Variants in NRXN1 observed in about 807,000 individuals in gnomAD.
NRXN1 encodes the protein neurexin 1, also known as neurexin-1.
In NRXN1, 39 loss-of-function variants were observed where a neutral mutation model predicts 150.9. That is an observed-to-expected ratio of 0.26 (90% CI 0.20 to 0.34). The LOEUF (loss-of-function observed/expected upper bound fraction) is 0.34. Ranked by LOEUF, NRXN1 falls within the 10% of genes least tolerant of loss-of-function variation. The pLI is 1.00. For missense variants in NRXN1, 1,815 were observed against 1,949.9 expected, an observed-to-expected ratio of 0.93 and a Z score of 1.30; for synonymous variants, 924 against 757.0, an observed-to-expected ratio of 1.22 and a Z score of -3.62.
At chr2:50,862,173 G>A (rs1185845088) in intron 5 of NRXN1, among the ~76,000 whole-genome samples, 2 of 148,560 alleles carry the variant, frequency 1.3e-5, no homozygotes, top group Non-Finnish European at 3.0e-5. Context: ...CTGCACTCTA[G>A]CCTAGAGGAC....
At chr2:50,064,385 C>T (rs1170985244) in intron 19 of NRXN1, among the ~76,000 whole-genome samples, 1 of 151,478 alleles carries the variant, frequency 6.6e-6, no homozygotes, top group East Asian at 1.9e-4. Flanking sequence ...GTGAGCTCTA[C>T]TGTGGTGCAT....
chr2:50,820,822 C>G (rs1286043021), intron 5 of NRXN1, among the ~76,000 whole-genome samples: 1 of 152,198 alleles, frequency 6.6e-6, no homozygotes, highest in South Asian at 2.1e-4. Context: ...ACTTGTCAAG[C>G]AATCAAACAC....
chr2:50,950,251 C>G (rs1019308014), intron 2 of NRXN1, among the ~76,000 whole-genome samples: 2 of 151,900 alleles, frequency 1.3e-5, no homozygotes, highest in African/African-American at 4.8e-5. Flanking sequence ...AGTAGGAAAA[C>G]TATACAGAAG....
chr2:50,735,463 C>G (rs998098749), intron 5 of NRXN1, among the ~76,000 whole-genome samples: 27 of 152,064 alleles, frequency 1.8e-4, no homozygotes, highest in African/African-American at 5.1e-4. Flanking sequence ...TAGAGACTCA[C>G]TTGTAGAAGC....
chr2:50,620,315 T>C, intron 7 of NRXN1, 132 bp from the exon 8 acceptor site: 1 of 1,072,212 alleles, frequency 9.3e-7, no homozygotes, highest in South Asian at 1.8e-5. Flanking sequence ...TTTTTTCTGT[T>C]TGTTTGGTTT....
intron 17 of NRXN1, among the ~76,000 whole-genome samples, chr2:50,259,496 T>C (rs911758200): frequency 6.6e-6 from 1 of 151,886 alleles, no homozygotes. Context: ...TACTGAAGTG[T>C]ACATGGAAGA....
At chr2:50,647,487 T>C (rs1684988298) in intron 5 of NRXN1, among the ~76,000 whole-genome samples, 1 of 151,858 alleles carries the variant, frequency 6.6e-6, no homozygotes, top group South Asian at 2.1e-4. Context: ...AAAATAGAAA[T>C]AGCTTACAAC....
intron 8 of NRXN1, among the ~76,000 whole-genome samples, chr2:50,566,389 A>G (rs12328464): frequency 0.4 from 59,966 of 149,592 alleles, 14,422 homozygotes; most frequent in African/African-American, 0.67. Context: ...AACTACAGGC[A>G]CGTGCCACCA....
chr2:50,341,672 C>T (rs2077558151), intron 17 of NRXN1, among the ~76,000 whole-genome samples: 1 of 152,136 alleles, frequency 6.6e-6, no homozygotes, highest in Admixed American at 6.5e-5. Context: ...ATCTTAACTA[C>T]ATTTACAAAA....
chr2:50,202,804 T>C (rs1574472551), intron 18 of NRXN1, among the ~76,000 whole-genome samples: 1 of 152,114 alleles, frequency 6.6e-6, no homozygotes, highest in African/African-American at 2.4e-5. Flanking sequence ...GAGAGGAGGG[T>C]TTGAAAATTC....
intron 8 of NRXN1, among the ~76,000 whole-genome samples, chr2:50,584,847 G>A (rs949024067): frequency 6.6e-6 from 1 of 152,146 alleles, no homozygotes; most frequent in Admixed American, 6.6e-5. Flanking sequence ...ATGGAAATAT[G>A]AGAATCTCAG....
intron 21 of NRXN1, among the ~76,000 whole-genome samples, chr2:50,012,864 T>C (rs944624827): frequency 1.3e-5 from 2 of 152,146 alleles, no homozygotes; most frequent in African/African-American, 4.8e-5. Flanking sequence ...AGTTAACCCA[T>C]GGAATGGAAT....
rs766767298 is a variant in NRXN1, at chr2:50,206,903, CACAT to C, written c.3546+29882_3546+29885del. Among the ~76,000 whole-genome samples the C allele has an allele frequency of 5.2e-3, 789 of 151,272 alleles. 3 individuals carry two copies. The highest frequency in any genetic ancestry group is 0.015 in the African/African-American group (633 of 41,334). On this transcript the variant is annotated intron_variant, in intron 18 of 22. Coordinates refer to ENST00000401669, the MANE Select transcript of NRXN1 (RefSeq NM_001330078.2). The stretch of plus-strand genomic sequence containing the variant: ...GGCAGTACACACACACACACACACA[CACAT>C]ACATATACACACACATACAAACCCA...
intron 21 of NRXN1, among the ~76,000 whole-genome samples, chr2:50,007,445 T>C (rs1038538869): frequency 2.0e-5 from 3 of 152,118 alleles, no homozygotes; most frequent in African/African-American, 7.2e-5. Flanking sequence ...TATCTTCTCA[T>C]TGTTCAAATC....
intron 5 of NRXN1, among the ~76,000 whole-genome samples, chr2:50,689,613 T>C (rs929333335): frequency 6.6e-6 from 1 of 152,168 alleles, no homozygotes; most frequent in African/African-American, 2.4e-5. Flanking sequence ...CACTGTCATG[T>C]GTTGTACCAC....
intron 18 of NRXN1, among the ~76,000 whole-genome samples, chr2:50,182,421 T>A (rs1220874905): frequency 6.6e-6 from 1 of 152,110 alleles, no homozygotes; most frequent in African/African-American, 2.4e-5. Flanking sequence ...TTTTGGATAA[T>A]CTCATTCAAT....
chr2:50,952,074 C>G (rs1186331843), intron 2 of NRXN1, among the ~76,000 whole-genome samples: 1 of 146,400 alleles, frequency 6.8e-6, no homozygotes, highest in East Asian at 2.1e-4. Flanking sequence ...TCATGCCATT[C>G]TCCTGCCTCA....
intron 17 of NRXN1, among the ~76,000 whole-genome samples, chr2:50,429,182 C>T (rs2084744656): frequency 6.6e-6 from 1 of 152,050 alleles, no homozygotes; most frequent in African/African-American, 2.4e-5. Flanking sequence ...GACTCCTAAC[C>T]TGAGAGGTTG....
intron 5 of NRXN1, among the ~76,000 whole-genome samples, chr2:50,831,928 A>G (rs918555705): frequency 2.0e-5 from 3 of 152,178 alleles, no homozygotes; most frequent in Admixed American, 1.3e-4. Context: ...GATTGTTCAC[A>G]TTGAGTAGCA....
Sources: gnomAD v4.1 joint callset for allele counts (sites outside exome capture counted in the v4.1 genomes callset) on GRCh38, gnomAD v4.1.1 for gene constraint, MANE v1.5 for transcripts, NCBI Gene and HGNC (gene_info 2026-07-23, HGNC 2026-07-21) for gene names.